The following FOXJ2 variants were observed in gnomAD, a reference collection of about 807,000 sequenced individuals.
The protein encoded by FOXJ2 is forkhead box J2.
FOXJ2 carries 18 observed loss-of-function variants against 68.4 expected under a neutral mutation model. The observed-to-expected ratio is 0.26, with a 90% CI of 0.18 to 0.39. FOXJ2 has a LOEUF of 0.39. Among genes scored for constraint, FOXJ2 ranks in the 10% least tolerant of loss-of-function variants. The probability of loss-of-function intolerance (pLI) is 1.00; values close to 1 mark genes in which losing one functional copy is unlikely to be tolerated. For missense variants in FOXJ2, 670 were observed against 726.5 expected (o/e 0.92, Z 0.89); for synonymous variants, 274 against 263.2 (o/e 1.04, Z -0.40).
Position 8,050,572 on chromosome 12 carries a change from C to T in FOXJ2, c.1588C>T (p.Pro530Ser). 1 of 1,614,032 alleles carries T rather than the reference C, an allele frequency of 6.2e-7. No individual in the cohort carries two copies. The highest frequency in any genetic ancestry group is 8.5e-7 in the Non-Finnish European group (1 of 1,179,978). Residue 530 changes from proline to serine, a missense_variant, in exon 10 of 11, where the codon CCA becomes TCA. Transcript: ENST00000162391. ...TCCCCACCTCTACCCTGGCCCATCA[C>T]CAATGTACCCAATCCCCACCCAGGA... ...QAPHLYPGPS[P>S]MYPIPTQDSA... is the part of the protein sequence containing the mutation.
In FOXJ2 at chr12:8,055,318, G is replaced by A. The variant is rs1209093292; in HGVS notation, c.*2468G>A. On this transcript the variant is annotated 3_prime_UTR_variant, in exon 11 of 11. Transcript: ENST00000162391. ...GAGGGACAAAAGGAGTAATTATTTG[G>A]TATAGATCCACCCATCCCAACCTTT... is the stretch of plus-strand genomic sequence containing the variant. The A allele has an allele frequency of 2.0e-5, 3 of 152,574 alleles. No individual in the cohort carries two copies. The highest frequency in any genetic ancestry group is 4.4e-5 in the Non-Finnish European group (3 of 68,040). The allele number at this position is 152,574 out of a possible 1,614,324, so 9.5% of individuals were successfully genotyped here.
In FOXJ2 at chr12:8,035,023, T is replaced by C. The variant is rs750763725; in HGVS notation, c.-15+1190T>C. Among the ~76,000 whole-genome samples the C allele has an allele frequency of 2.6e-5, 4 of 152,340 alleles. No homozygotes were observed. The highest frequency in any genetic ancestry group is 2.1e-4 in the South Asian group (1 of 4,826). ...GCTTCATCTGACTTGGCCTTTCATA[T>C]TTCCTCCTCTCTCTGGGGCATGGGT... On this transcript the variant is annotated intron_variant, in intron 1 of 10. Coordinates refer to ENST00000162391, the MANE Select transcript of FOXJ2 (RefSeq NM_018416.3). This position sits in a 1 kb window ranked among gnomAD's most constrained non-coding sequence, Gnocchi z 4.0.
In FOXJ2 at chr12:8,038,074, G is replaced by A. The variant is rs1162881492; in HGVS notation, c.-14-1745G>A. Among the ~76,000 whole-genome samples, 1 of 152,174 alleles carries A rather than the reference G, an allele frequency of 6.6e-6. No individual in the cohort carries two copies. Among genetic ancestry groups the A allele is most frequent in the Admixed American group, 6.5e-5 (1 of 15,280 alleles). ...CCTGTCAAACAATTCTTGGGTTAGA[G>A]TTGCGTCTCTTGCTGCCCCCGCCCC... On this transcript the variant is annotated intron_variant, in intron 1 of 10. Transcript: ENST00000162391. This position sits in a 1 kb window ranked among gnomAD's most constrained non-coding sequence, Gnocchi z 5.3.
chr12:8,036,235 G>A (rs909832102), intron 1 of FOXJ2, among the ~76,000 whole-genome samples: 16 of 152,130 alleles, frequency 1.1e-4, no homozygotes, highest in African/African-American at 3.9e-4. Context: ...TCTGTATGGG[G>A]CAGGAAGTCA....
At position 8,049,392 on chromosome 12, in the gene FOXJ2, A is replaced by G. The variant is rs1273796747; in HGVS notation, c.1358A>G (p.Gln453Arg). 5 of 1,613,764 alleles carry G rather than the reference A, an allele frequency of 3.1e-6. No individual in the cohort carries two copies. In the African/African-American group the frequency reaches 6.7e-5, roughly 22 times the overall value. The change falls in exon 9 of 11, where the codon CAG becomes CGG. Residue 453 changes from glutamine (Q) to arginine (R), a missense_variant. Transcript: ENST00000162391. Reference sequence around the variant, plus strand: ...ATGGAGAGTCTACGACAGGCAGAGCAGAAGAACTGGACCCTCGACCAGCAT... The same window carrying G: ...ATGGAGAGTCTACGACAGGCAGAGCGGAAGAACTGGACCCTCGACCAGCAT... ...ELMESLRQAE[Q>R]KNWTLDQHHI...
intron 2 of FOXJ2, among the ~76,000 whole-genome samples, chr12:8,042,205 C>T (rs762149795): frequency 1.3e-5 from 2 of 152,266 alleles, no homozygotes; most frequent in East Asian, 3.9e-4. Context: ...TATTTCTTTC[C>T]TCCAAATGTG....
chr12:8,046,148 T>A (rs1345171631), intron 6 of FOXJ2, among the ~76,000 whole-genome samples: 4 of 152,122 alleles, frequency 2.6e-5, no homozygotes, highest in Non-Finnish European at 5.9e-5. Flanking sequence ...AGGGCAGTGA[T>A]TTTAGGGCTG....
At chr12:8,050,254 G>T in intron 9 of FOXJ2, 2 of 1,085,828 alleles carry the variant, frequency 1.8e-6, no homozygotes, top group South Asian at 6.3e-5. Flanking sequence ...GGGATTACAG[G>T]CATGAGCCAC....
chr12:8,046,189 G>A (rs1947034694), intron 6 of FOXJ2, among the ~76,000 whole-genome samples: 1 of 152,176 alleles, frequency 6.6e-6, no homozygotes, highest in Non-Finnish European at 1.5e-5. Flanking sequence ...CGACCACGAG[G>A]GGGCAGCAGC....
At chr12:8,042,501 T>C (rs770658976) in intron 2 of FOXJ2, among the ~76,000 whole-genome samples, 157 bp from the exon 3 acceptor site, 2 of 152,354 alleles carry the variant, frequency 1.3e-5, no homozygotes, top group South Asian at 4.1e-4. Context: ...ATTTGATGCA[T>C]AATTCCCTCC....
chr12:8,032,831 C>T lies in FOXJ2; in HGVS notation c.-1017C>T, dbSNP rs1946852748. Reference sequence around the variant, plus strand: ...CCCGAGCGGTGGCAGCGCGGGGAGCCCCACGCGCCGAAGGGAGCGGACCCG... The same window carrying T: ...CCCGAGCGGTGGCAGCGCGGGGAGCTCCACGCGCCGAAGGGAGCGGACCCG... On this transcript the variant is annotated 5_prime_UTR_variant, in exon 1 of 11. Transcript: ENST00000162391. The surrounding 1 kb of genome is among the most constrained non-coding windows in gnomAD (Gnocchi z 4.8). The T allele has an allele frequency of 2.5e-6, 1 of 398,028 alleles. No individual in the cohort carries two copies. The highest frequency in any genetic ancestry group is 4.4e-5 in the Admixed American group (1 of 22,698). The allele number at this position is 398,028 out of a possible 1,614,324, so 24.7% of individuals were successfully genotyped here. A position where few individuals can be genotyped will look rare whatever the true frequency, so the allele number is the denominator to read the frequency against.
chr12:8,044,762 C>G lies in FOXJ2; in HGVS notation c.621C>G (p.Gly207=). The change falls in exon 6 of 11, where the codon GGC becomes GGG. Residue 207 remains glycine (G), a splice_region_variant and synonymous_variant. Coordinates refer to ENST00000162391, the MANE Select transcript of FOXJ2 (RefSeq NM_018416.3). ...SPTSIASYSQ[G]TGSVDGGAVA... is the part of the protein sequence containing the mutation. ...GAATTTCTTACCTGTTTTTGCAGGG[C>G]ACAGGATCTGTGGATGGTGGAGCAG... 4 of 1,613,676 alleles carry G rather than the reference C, an allele frequency of 2.5e-6. No homozygotes were observed. The highest frequency in any genetic ancestry group is 3.4e-6 in the Non-Finnish European group (4 of 1,179,836).
intron 1 of FOXJ2, among the ~76,000 whole-genome samples, chr12:8,036,398 C>G (rs992983476): frequency 3.3e-5 from 5 of 152,198 alleles, no homozygotes; most frequent in African/African-American, 1.2e-4. Context: ...TTTTCTCTGC[C>G]TTTCTCCCAG....
chr12:8,048,849 C>A (rs368595793), intron 8 of FOXJ2, 51 bp downstream of exon 8: 2 of 1,478,894 alleles, frequency 1.4e-6, no homozygotes, highest in African/African-American at 1.4e-5. Flanking sequence ...AAGGGAAAAC[C>A]CAGTAGAAAC....
At chr12:8,049,855 A>C (rs2121352010) in intron 9 of FOXJ2, 1 of 432,166 alleles carries the variant, frequency 2.3e-6, no homozygotes, top group East Asian at 3.4e-5. Flanking sequence ...TGTATTTTAA[A>C]TTTGCGTCTC....
chr12:8,048,782 G>C lies in FOXJ2; in HGVS notation c.1311G>C (p.Glu437Asp). 1 of 1,613,922 alleles carries C rather than the reference G, an allele frequency of 6.2e-7. No individual in the cohort carries two copies. Among genetic ancestry groups the C allele is most frequent in the Non-Finnish European group, 8.5e-7 (1 of 1,179,910 alleles). The change falls in exon 8 of 11, where the codon GAG becomes GAC. Residue 437 changes from glutamate to aspartate, a missense_variant. Glu to Asp is a conservative substitution (Grantham distance 45). Transcript: ENST00000162391. Reference sequence around the variant, plus strand: ...ATCGGCTCAATTGGTCCAGCATTGAGCAGTCACAATTCTCAGGTTAGTGAT... The same window carrying C: ...ATCGGCTCAATTGGTCCAGCATTGACCAGTCACAATTCTCAGGTTAGTGAT... ...MVNRLNWSSI[E>D]QSQFSELMES...
chr12:8,050,663 G>A (rs760342705), intron 10 of FOXJ2, 43 bp downstream of exon 10: 7 of 1,608,274 alleles, frequency 4.4e-6, no homozygotes, highest in Non-Finnish European at 5.1e-6. Context: ...GTACTCTGAT[G>A]AGTTGCTTTG....
chr12:8,041,576 C>G (rs112623163), intron 2 of FOXJ2, among the ~76,000 whole-genome samples: 3 of 150,982 alleles, frequency 2.0e-5, no homozygotes, highest in African/African-American at 7.3e-5. Context: ...TGTAGTGGTA[C>G]AATCACAGCT....
chr12:8,050,399 A>G (rs1854178043), intron 9 of FOXJ2, 123 bp from the exon 10 acceptor site: 13 of 1,429,746 alleles, frequency 9.1e-6, no homozygotes, highest in African/African-American at 1.4e-5. Context: ...TGCAGGAGCT[A>G]CAGAACAGGG....
Sources: allele counts gnomAD v4.1 joint callset (sites outside exome capture counted in the v4.1 genomes callset), GRCh38; gene constraint gnomAD v4.1.1; non-coding constraint Gnocchi (gnomAD v3.1); transcripts MANE v1.5; gene names NCBI Gene and HGNC (gene_info 2026-07-23, HGNC 2026-07-21).